The following NEBL variants were observed in gnomAD, a reference collection of about 807,000 sequenced individuals.
NEBL encodes the protein LIM and SH3 protein 2.
Under a neutral mutation model 140.2 loss-of-function variants are expected in NEBL, and 122 were observed. The observed-to-expected ratio is 0.87, with a 90% CI of 0.75 to 1.01. NEBL has a LOEUF of 1.01. NEBL is among the 50% of genes least tolerant of loss of function. The pLI is 0.00. For missense variants in NEBL, 1,365 were observed against 1,231.3 expected (o/e 1.11, Z -1.62); for synonymous variants, 436 against 398.9 (o/e 1.09, Z -1.11).
chr10:21,176,368 G>C (rs183423819), upstream of NEBL, among the ~76,000 whole-genome samples: 195 of 152,210 alleles, frequency 1.3e-3, 2 homozygotes, highest in African/African-American at 4.5e-3. Context: ...TGAATGAAAT[G>C]AACAAATACA....
chr10:20,844,938 AT>A (rs1451894135), intron 12 of NEBL, among the ~76,000 whole-genome samples: 1 of 152,020 alleles, frequency 6.6e-6, no homozygotes, highest in Non-Finnish European at 1.5e-5. Flanking sequence ...TATTCAAAAC[AT>A]TTTTTTAAAA....
intron 4 of NEBL, among the ~76,000 whole-genome samples, chr10:20,930,896 T>G (rs1238950073): frequency 6.6e-6 from 1 of 152,224 alleles, no homozygotes; most frequent in Non-Finnish European, 1.5e-5. Flanking sequence ...ATTTGCAATC[T>G]GGAACATCTA....
chr10:20,943,116 G>GA (rs1834972522), intron 4 of NEBL, among the ~76,000 whole-genome samples: 1 of 152,188 alleles, frequency 6.6e-6, no homozygotes, highest in Non-Finnish European at 1.5e-5. Flanking sequence ...TATAAATCAT[G>GA]CTGCTATAAA....
At chr10:21,230,779 A>T (rs973181855) in intron 3 of NEBL, among the ~76,000 whole-genome samples, 2 of 151,794 alleles carry the variant, frequency 1.3e-5, no homozygotes, top group Non-Finnish European at 2.9e-5. Context: ...TAATTTCTGT[A>T]TTTTTGGTAG....
chr10:20,977,897 C>T (rs993673195), intron 3 of NEBL, among the ~76,000 whole-genome samples: 4 of 152,164 alleles, frequency 2.6e-5, no homozygotes, highest in Admixed American at 6.5e-5. Context: ...TCAAGCCTAA[C>T]GTTCCTGCTC....
At chr10:21,072,601 G>C (rs1448839438) in intron 2 of NEBL, among the ~76,000 whole-genome samples, 2 of 152,244 alleles carry the variant, frequency 1.3e-5, no homozygotes, top group Admixed American at 6.5e-5. Flanking sequence ...GCGGAGCACA[G>C]GAAGGGTATG....
chr10:21,048,403 G>A (rs1411832731), intron 2 of NEBL, among the ~76,000 whole-genome samples: 6 of 144,984 alleles, frequency 4.1e-5, no homozygotes, highest in East Asian at 2.1e-4. Context: ...CTCCCGGGGC[G>A]GTCTTCTTCC....
intron 3 of NEBL, among the ~76,000 whole-genome samples, chr10:21,018,450 T>A (rs1838647244): frequency 1.3e-5 from 2 of 152,194 alleles, no homozygotes; most frequent in East Asian, 1.9e-4. Context: ...CCGGCCTCCA[T>A]AATAGTGTCT....
intron 1 of NEBL, among the ~76,000 whole-genome samples, chr10:21,260,440 T>C (rs1481467251): frequency 6.6e-6 from 1 of 152,254 alleles, no homozygotes; most frequent in African/African-American, 2.4e-5. Context: ...ATTAGAAACA[T>C]TGACTTTTAA....
chr10:20,811,146 A>G (rs983129433), intron 24 of NEBL, among the ~76,000 whole-genome samples: 3 of 152,236 alleles, frequency 2.0e-5, no homozygotes, highest in Non-Finnish European at 2.9e-5. Flanking sequence ...GTTCTTCCCA[A>G]TAAGAACAAA....
At chr10:21,234,883 C>T (rs1156765718) in intron 3 of NEBL, among the ~76,000 whole-genome samples, 3 of 152,178 alleles carry the variant, frequency 2.0e-5, no homozygotes, top group Non-Finnish European at 4.4e-5. Context: ...CTGGTTTCCT[C>T]CGGTACAGGC....
At chr10:20,911,515 AC>A (rs1366174788) in intron 4 of NEBL, among the ~76,000 whole-genome samples, 1 of 152,202 alleles carries the variant, frequency 6.6e-6, no homozygotes, top group African/African-American at 2.4e-5. Flanking sequence ...CATTTATAAA[AC>A]CTACTACCAT....
At chr10:21,160,660 G>C (rs1321318510) in intron 2 of NEBL, among the ~76,000 whole-genome samples, 3 of 142,812 alleles carry the variant, frequency 2.1e-5, no homozygotes, top group Non-Finnish European at 3.1e-5. Flanking sequence ...AGGGTGGGTT[G>C]GGGGAGAAGC....
intron 3 of NEBL, among the ~76,000 whole-genome samples, chr10:21,240,048 A>T (rs1372551706): frequency 1.3e-5 from 2 of 152,086 alleles, no homozygotes; most frequent in African/African-American, 4.8e-5. Context: ...ACGGTAGTCA[A>T]TATCTGTATT....
intron 2 of NEBL, among the ~76,000 whole-genome samples, chr10:20,891,259 C>T (rs145671509): frequency 5.9e-5 from 9 of 152,250 alleles, no homozygotes; most frequent in East Asian, 1.9e-4. Context: ...GAAATCAACA[C>T]GAGAACATAT....
At chr10:21,034,829 T>A (rs1833949591) in intron 2 of NEBL, among the ~76,000 whole-genome samples, 1 of 152,164 alleles carries the variant, frequency 6.6e-6, no homozygotes, top group Non-Finnish European at 1.5e-5. Flanking sequence ...AGTTCCAGGG[T>A]ACATGTGCAG....
At chr10:21,068,352 C>T (rs1386634529) in intron 2 of NEBL, among the ~76,000 whole-genome samples, 1 of 152,202 alleles carries the variant, frequency 6.6e-6, no homozygotes, top group Non-Finnish European at 1.5e-5. Flanking sequence ...ATACACCAGT[C>T]CTTTTGGTTT....
chr10:21,186,988 ATGTGTGTGTG>A (rs35359446), intron 3 of NEBL, among the ~76,000 whole-genome samples: 4,038 of 141,942 alleles, frequency 0.028, 87 homozygotes, highest in South Asian at 0.042. Context: ...CCAACTCTGT[ATGTGTGTGTG>A]TGTGTGTGTG....
intron 26 of NEBL, among the ~76,000 whole-genome samples, chr10:20,794,427 A>G: frequency 6.6e-6 from 1 of 152,192 alleles, no homozygotes; most frequent in South Asian, 2.1e-4. Context: ...ACTGCTGACC[A>G]TACTACAGTA....
Sources: gnomAD v4.1 joint callset for allele counts (sites outside exome capture counted in the v4.1 genomes callset) on GRCh38, gnomAD v4.1.1 for gene constraint, MANE v1.5 for transcripts, NCBI Gene and HGNC (gene_info 2026-07-23, HGNC 2026-07-21) for gene names.